FIP1L1: variants seen among roughly 807,000 people sequenced by gnomAD.
FIP1L1 encodes the protein factor interacting with PAPOLA and CPSF1, also known as pre-mRNA 3'-end-processing factor FIP1.
FIP1L1 carries 21 observed loss-of-function variants against 84.6 expected under a neutral mutation model. The observed-to-expected ratio is 0.25, with a 90% CI of 0.18 to 0.36. The LOEUF (loss-of-function observed/expected upper bound fraction) is 0.36. Ranked by LOEUF, FIP1L1 falls within the 10% of genes least tolerant of loss-of-function variation. FIP1L1 has a pLI of 1.00. For missense variants in FIP1L1, 526 were observed against 751.1 expected (o/e 0.70, Z 3.50); for synonymous variants, 263 against 242.3 (o/e 1.09, Z -0.80).
At chr4:53,437,319 T>C (rs1256043010) in intron 13 of FIP1L1, among the ~76,000 whole-genome samples, 1 of 81,046 alleles carries the variant, frequency 1.2e-5, no homozygotes, top group Non-Finnish European at 2.2e-5. Flanking sequence ...TGAGACCCTG[T>C]CTCAACCAAA....
chr4:53,409,083 G>T (rs777946528), intron 10 of FIP1L1, among the ~76,000 whole-genome samples: 7 of 152,124 alleles, frequency 4.6e-5, no homozygotes, highest in Non-Finnish European at 1.0e-4. Context: ...GCTTTTTAGA[G>T]TTTCGAGTTT....
chr4:53,379,973 G>A (rs1281225147), intron 3 of FIP1L1, among the ~76,000 whole-genome samples: 10 of 152,154 alleles, frequency 6.6e-5, no homozygotes, highest in African/African-American at 2.4e-4. Context: ...ACTTCATACC[G>A]AGTAAGCTGC....
At chr4:53,395,071 A>G (rs1746505216) in intron 9 of FIP1L1, among the ~76,000 whole-genome samples, 1 of 152,212 alleles carries the variant, frequency 6.6e-6, no homozygotes, top group South Asian at 2.1e-4. Context: ...TTAGAAAATT[A>G]GTCATAATGT....
At chr4:53,409,189 CTGTT>C (rs1755630664) in intron 10 of FIP1L1, among the ~76,000 whole-genome samples, 1 of 152,174 alleles carries the variant, frequency 6.6e-6, no homozygotes, top group South Asian at 2.1e-4. Flanking sequence ...GGTGTCCTTT[CTGTT>C]TGTTAGTTTT....
intron 1 of FIP1L1, chr4:53,378,492 GC>G (rs1290846592): frequency 6.6e-6 from 1 of 152,358 alleles, no homozygotes; most frequent in Non-Finnish European, 1.5e-5. Flanking sequence ...GAGAAAGATG[GC>G]CCATAAAGAA....
intron 10 of FIP1L1, 114 bp downstream of exon 10, chr4:53,399,953 T>C (rs1326779513): frequency 4.3e-6 from 3 of 693,676 alleles, no homozygotes; most frequent in South Asian, 2.4e-5. Context: ...TGGAACATTT[T>C]ACTTTGGTTT....
In FIP1L1 at chr4:53,460,744, T is replaced by C; in HGVS notation, c.*1295T>C. ...AGTAGTTTTAATTTTTTTGGAATCA[T>C]ATTTTCTGAGGTGTAACTGGCTTTC... On this transcript the variant is annotated 3_prime_UTR_variant, in exon 18 of 18. Transcript: ENST00000337488. 1.5e-6 allele frequency: 1 copy of C among 669,250 alleles called. No individual in the cohort carries two copies. The highest frequency in any genetic ancestry group is 2.3e-5 in the South Asian group (1 of 44,326). 41.5% of individuals were successfully genotyped at this position (669,250 alleles called of 1,614,324 possible).
At chr4:53,402,407 A>C (rs1438720448) in intron 10 of FIP1L1, among the ~76,000 whole-genome samples, 1 of 152,168 alleles carries the variant, frequency 6.6e-6, no homozygotes, top group Non-Finnish European at 1.5e-5. Flanking sequence ...AACAAAGAAA[A>C]AAACAGCATT....
intron 15 of FIP1L1, among the ~76,000 whole-genome samples, chr4:53,445,987 A>C (rs563732721): frequency 1.3e-5 from 2 of 152,168 alleles, no homozygotes; most frequent in Non-Finnish European, 2.9e-5. Context: ...AAGAAAATTG[A>C]ATAGACTCCG....
At chr4:53,378,624 ATTTG>A (rs1736057230) in intron 1 of FIP1L1, 1 of 159,508 alleles carries the variant, frequency 6.3e-6, no homozygotes, top group African/African-American at 2.4e-5. Context: ...CATCTCATGT[ATTTG>A]TTTTTCTCAA....
chr4:53,408,756 C>T (rs1755297387), intron 10 of FIP1L1, among the ~76,000 whole-genome samples: 1 of 152,184 alleles, frequency 6.6e-6, no homozygotes, highest in Admixed American at 6.5e-5. Context: ...GATCTTGCAT[C>T]ACTGATACCC....
rs535866621 is a variant in FIP1L1 at position 53,457,178 on chromosome 4, A to G, written c.1500-1475A>G. ...GAAGTCTTGAAAAAGACTGTTGGCA[A>G]TTTTACAGGTGAGAAAACCGAGGTT... On this transcript the variant is annotated intron_variant, in intron 16 of 17. Transcript: ENST00000337488. 3.3e-5 allele frequency among the ~76,000 whole-genome samples: 5 copies of G among 152,204 alleles called. No individual in the cohort carries two copies. In the East Asian group the frequency reaches 9.7e-4, roughly 29 times the overall value.
intron 13 of FIP1L1, 23 bp from the exon 14 acceptor site, chr4:53,442,630 T>A (rs771355077): frequency 6.4e-7 from 1 of 1,560,760 alleles, no homozygotes; most frequent in East Asian, 2.2e-5. Flanking sequence ...TAACATTTTT[T>A]ATCTTATGAT....
At chr4:53,406,743 T>C (rs6554101) in intron 10 of FIP1L1, among the ~76,000 whole-genome samples, 148,717 of 152,220 alleles carry the variant, frequency 0.98, 72,745 homozygotes, top group Middle Eastern at 1. Context: ...CTTGGGAGGG[T>C]GTATGTGTCG....
In FIP1L1 at chr4:53,460,468, A is replaced by AAT; in HGVS notation, c.*1022_*1023dup. 5.2e-6 allele frequency: 1 copy of AAT among 194,128 alleles called. No individual in the cohort carries two copies. The highest frequency in any genetic ancestry group is 1.8e-3 in the Middle Eastern group (1 of 542). 12.0% of individuals were successfully genotyped at this position (194,128 alleles called of 1,614,324 possible). On this transcript the variant is annotated 3_prime_UTR_variant, in exon 18 of 18. Transcript: ENST00000337488. The stretch of plus-strand genomic sequence containing the variant: ...TAAAAGACAACTATAACTTCTGAAA[A>AAT]ATATTTATTCTTGTTTGATGAAAGC...
intron 10 of FIP1L1, among the ~76,000 whole-genome samples, chr4:53,406,404 G>A (rs998029477): frequency 3.9e-5 from 6 of 152,172 alleles, no homozygotes; most frequent in African/African-American, 9.7e-5. Context: ...TGCTGGATTT[G>A]TTTTGCCAGT....
At chr4:53,399,093 C>T (rs1368114880) in intron 9 of FIP1L1, among the ~76,000 whole-genome samples, 1 of 152,124 alleles carries the variant, frequency 6.6e-6, no homozygotes, top group Non-Finnish European at 1.5e-5. Context: ...GTGGAGGCTT[C>T]AGTGAGCCGT....
chr4:53,399,115 T>C (rs953332178), intron 9 of FIP1L1, among the ~76,000 whole-genome samples: 1 of 152,220 alleles, frequency 6.6e-6, no homozygotes, highest in African/African-American at 2.4e-5. Context: ...ATTGCACGAC[T>C]GTACTCCAGC....
rs1438842449 is a variant in FIP1L1, at chr4:53,377,660, T to G, written c.-179T>G. 56 of 542,230 alleles carry G rather than the reference T, an allele frequency of 1.0e-4. 1 individual carries two copies. In the East Asian group the frequency reaches 1.8e-3, roughly 18 times the overall value. The allele number at this position is 542,230 out of a possible 1,614,324, so 33.6% of individuals were successfully genotyped here. On this transcript the variant is annotated 5_prime_UTR_variant, in exon 1 of 18. Transcript: ENST00000337488. ...TCTCCTGCGCATGCGCAGACGGACC[T>G]GCGCTGGAGGCTTCATCTTTGCCGC...
Sources: gnomAD v4.1 joint callset for allele counts (sites outside exome capture counted in the v4.1 genomes callset) on GRCh38, gnomAD v4.1.1 for gene constraint, MANE v1.5 for transcripts, NCBI Gene and HGNC (gene_info 2026-07-23, HGNC 2026-07-21) for gene names.